Variants in TANC2 observed in about 807,000 individuals in gnomAD.
TANC2 encodes the protein tetratricopeptide repeat, ankyrin repeat and coiled-coil containing 2, also known as protein TANC2.
In TANC2, 26 loss-of-function variants were observed where a neutral mutation model predicts 210.5. The observed-to-expected ratio is 0.12, with a 90% CI of 0.09 to 0.17. The LOEUF (loss-of-function observed/expected upper bound fraction) is 0.17, where lower values mean the gene tolerates loss of function less well. Ranked by LOEUF, TANC2 falls within the 10% of genes least tolerant of loss-of-function variation. TANC2 has a pLI of 1.00. For synonymous variants in TANC2, 931 were observed against 967.1 expected, an observed-to-expected ratio of 0.96 and a Z score of 0.69; for missense variants, 2,129 against 2,608.9, an observed-to-expected ratio of 0.82 and a Z score of 4.01.
At chr17:63,115,792 G>T (rs917393160) in intron 4 of TANC2, among the ~76,000 whole-genome samples, 1 of 152,078 alleles carries the variant, frequency 6.6e-6, no homozygotes, top group African/African-American at 2.4e-5. Context: ...GTAGCTTTAG[G>T]AATAAGGTAG....
chr17:63,198,459 G>A (rs2041419232), intron 6 of TANC2, among the ~76,000 whole-genome samples: 1 of 152,126 alleles, frequency 6.6e-6, no homozygotes, highest in East Asian at 1.9e-4. Context: ...GCCTCCCAAA[G>A]TGCTGGGATT....
At chr17:63,370,943 T>G (rs981820934) in intron 14 of TANC2, among the ~76,000 whole-genome samples, 7 of 152,210 alleles carry the variant, frequency 4.6e-5, no homozygotes, top group Non-Finnish European at 5.9e-5. Context: ...AACTCTTGAC[T>G]TGGAAGGCGA....
exon 28 of TANC2, chr17:63,427,580 G>A (rs993834899): frequency 2.0e-5 from 3 of 152,268 alleles, no homozygotes; most frequent in African/African-American, 7.2e-5. Flanking sequence ...AGCTGTGTGA[G>A]ATAGATGTGA....
chr17:63,038,972 CTTGTT>C (rs1303954028), intron 2 of TANC2, among the ~76,000 whole-genome samples: 2 of 152,044 alleles, frequency 1.3e-5, no homozygotes, highest in African/African-American at 2.4e-5. Flanking sequence ...CCCTCTGTTT[CTTGTT>C]TTATCTGTCG....
At chr17:63,255,059 T>TTTTTTTTA (rs2043149633) in intron 8 of TANC2, among the ~76,000 whole-genome samples, 1 of 144,544 alleles carries the variant, frequency 6.9e-6, no homozygotes, top group African/African-American at 2.5e-5. Context: ...AATAGTTATT[T>TTTTTTTTA]TTTATTTATT....
At chr17:63,198,955 G>T (rs906355536) in intron 6 of TANC2, among the ~76,000 whole-genome samples, 6 of 152,126 alleles carry the variant, frequency 3.9e-5, no homozygotes, top group African/African-American at 1.4e-4. Flanking sequence ...TAATATTATT[G>T]ATATGATTGA....
intron 8 of TANC2, among the ~76,000 whole-genome samples, chr17:63,239,719 A>T (rs905707076): frequency 2.0e-5 from 3 of 152,186 alleles, no homozygotes; most frequent in Non-Finnish European, 2.9e-5. Flanking sequence ...GTTTTAGTCT[A>T]TTCTTATACT....
At chr17:63,176,384 CA>C (rs1421442581) in intron 5 of TANC2, among the ~76,000 whole-genome samples, 1 of 152,166 alleles carries the variant, frequency 6.6e-6, no homozygotes, top group Non-Finnish European at 1.5e-5. Context: ...ACATACTCAA[CA>C]ACATGACGAT....
At chr17:63,359,573 C>A (rs2046896324) in intron 14 of TANC2, among the ~76,000 whole-genome samples, 1 of 152,134 alleles carries the variant, frequency 6.6e-6, no homozygotes, top group African/African-American at 2.4e-5. Context: ...GTCTCGTACT[C>A]CTGACCTCAG....
intron 2 of TANC2, among the ~76,000 whole-genome samples, chr17:63,066,623 C>T (rs771308954): frequency 3.9e-5 from 6 of 152,128 alleles, no homozygotes; most frequent in African/African-American, 4.8e-5. Context: ...CCCCAACCCC[C>T]GACCTTAGTG....
intron 3 of TANC2, among the ~76,000 whole-genome samples, chr17:63,096,354 A>G (rs1194834245): frequency 6.6e-6 from 1 of 152,204 alleles, no homozygotes; most frequent in African/African-American, 2.4e-5. Flanking sequence ...AAATCCAAGG[A>G]TAGAGAATAA....
intron 8 of TANC2, among the ~76,000 whole-genome samples, chr17:63,242,794 C>G (rs2042810927): frequency 6.6e-6 from 1 of 152,102 alleles, no homozygotes; most frequent in Non-Finnish European, 1.5e-5. Context: ...AAATTCTACT[C>G]AGCTACAGAG....
At chr17:63,068,789 G>A (rs934593729) in intron 2 of TANC2, among the ~76,000 whole-genome samples, 9 of 146,442 alleles carry the variant, frequency 6.1e-5, no homozygotes, top group African/African-American at 2.1e-4. Context: ...GAATTCTAGA[G>A]TTAAAATGAA....
intron 2 of TANC2, among the ~76,000 whole-genome samples, chr17:63,024,399 G>A (rs773179301): frequency 1.3e-5 from 2 of 152,182 alleles, no homozygotes; most frequent in Non-Finnish European, 2.9e-5. Context: ...TTCGTAAACT[G>A]TCTTGGCACT....
rs763406444 is a variant in TANC2, at chr17:63,420,980, A to C, written c.5250A>C (p.Gly1750=). 1.2e-5 allele frequency: 20 copies of C among 1,613,932 alleles called. No individual in the cohort carries two copies. The highest frequency in any genetic ancestry group is 1.7e-5 in the Non-Finnish European group (20 of 1,179,872). Residue 1750 remains glycine, a synonymous_variant, in exon 28 of 28, where the codon GGA becomes GGC. Transcript: ENST00000689528. The surrounding 1 kb of genome is among the most constrained non-coding windows in gnomAD (Gnocchi z 4.2). ...TGGTTTATCAAGGGTCAATTGGGGG[A>C]ATCGTAGGGGATGGAAGGCCGGTGC...
exon 4 of TANC2, chr17:63,099,227 G>T: frequency 1.9e-6 from 3 of 1,609,998 alleles, no homozygotes; most frequent in Non-Finnish European, 2.5e-6. Context: ...ACGCTGTCCC[G>T]CCACTTCCAG....
intron 9 of TANC2, among the ~76,000 whole-genome samples, chr17:63,310,805 G>C (rs2045098819): frequency 6.6e-6 from 1 of 152,196 alleles, no homozygotes; most frequent in Non-Finnish European, 1.5e-5. Flanking sequence ...GTGATGATGA[G>C]ACTGAGAGGG....
At chr17:63,143,384 AAAG>A (rs1430261350) in intron 4 of TANC2, among the ~76,000 whole-genome samples, 1 of 152,160 alleles carries the variant, frequency 6.6e-6, no homozygotes, top group Admixed American at 6.5e-5. Flanking sequence ...TGAAATGTTT[AAAG>A]AAGGAGATAA....
chr17:63,269,527 A>G (rs772933903), intron 9 of TANC2, among the ~76,000 whole-genome samples: 9 of 152,292 alleles, frequency 5.9e-5, no homozygotes, highest in Admixed American at 2.6e-4. Flanking sequence ...TCTTATTACT[A>G]AAAAACATAC....
Sources: gnomAD v4.1 joint callset for allele counts (sites outside exome capture counted in the v4.1 genomes callset) on GRCh38, gnomAD v4.1.1 for gene constraint, Gnocchi (gnomAD v3.1) non-coding constraint, MANE v1.5 for transcripts, NCBI Gene and HGNC (gene_info 2026-07-23, HGNC 2026-07-21) for gene names.